The following DPP6 variants were observed in gnomAD, a reference collection of about 807,000 sequenced individuals.
DPP6 encodes the protein A-type potassium channel modulatory protein DPP6.
A neutral mutation model predicts 122.6 loss-of-function variants in DPP6; 69 were observed. The observed-to-expected ratio is 0.56, with a 90% confidence interval of 0.46 to 0.69. DPP6 has a LOEUF of 0.69. DPP6 is among the 30% of genes least tolerant of loss of function. The pLI is 0.00. For synonymous variants in DPP6, 418 were observed against 433.1 expected, an observed-to-expected ratio of 0.97 and a Z score of 0.43; for missense variants, 928 against 1,116.9, an observed-to-expected ratio of 0.83 and a Z score of 2.41.
Position 154,241,217 on chromosome 7 carries a change from GTGTATA to G in DPP6, c.243+188156_243+188161del, listed in dbSNP as rs895772130. On this transcript the variant is annotated intron_variant, in intron 1 of 25. Coordinates refer to ENST00000377770, the MANE Select transcript of DPP6 (RefSeq NM_130797.4). The surrounding 1 kb of genome is among the most constrained non-coding windows in gnomAD (Gnocchi z 9.0). ...TGTGTGTGTGTGTGTGTGTGTGTGTGTGTATATATATATAGAGAGAGAGAGAGACAC... is the reference window on the plus strand; with the variant it reads ...TGTGTGTGTGTGTGTGTGTGTGTGTGTATATATAGAGAGAGAGAGAGACAC... 2.1e-5 allele frequency among the ~76,000 whole-genome samples: 3 copies of G among 143,968 alleles called. No individual in the cohort carries two copies. The highest frequency in any genetic ancestry group is 8.8e-5 in the African/African-American group (3 of 34,118). The allele number at this position is 143,968 out of a possible 152,430, so 94.4% of individuals were successfully genotyped here. A position where few individuals can be genotyped will look rare whatever the true frequency, so the allele number is the denominator to read the frequency against.
intron 5 of DPP6, among the ~76,000 whole-genome samples, chr7:154,615,267 A>G (rs1015222836): frequency 6.6e-6 from 1 of 152,174 alleles, no homozygotes; most frequent in African/African-American, 2.4e-5. Flanking sequence ...AGTTCCAGCA[A>G]TTATATGTAT....
chr7:154,512,611 A>C (rs76472867), intron 3 of DPP6, among the ~76,000 whole-genome samples: 2,046 of 152,336 alleles, frequency 0.013, 23 homozygotes, highest in South Asian at 0.026. Flanking sequence ...GATGAGAACT[A>C]TCAGACCTTT....
chr7:154,706,680 GC>G lies in DPP6; in HGVS notation c.763-21086del, dbSNP rs3840559. On this transcript the variant is annotated intron_variant, in intron 7 of 25. Coordinates refer to ENST00000377770, the MANE Select transcript of DPP6 (RefSeq NM_130797.4). ...TGGAGCTCCTCTGTTACACTAAATA[GC>G]TTCAAGTGGACACTGAACACGTACT... 6.6e-5 allele frequency among the ~76,000 whole-genome samples: 10 copies of G among 152,348 alleles called. No homozygotes were observed. The East Asian group carries it at 1.9e-3, about 29-fold the overall frequency.
At chr7:154,440,558 A>C (rs1819285375) in intron 1 of DPP6, among the ~76,000 whole-genome samples, 1 of 152,146 alleles carries the variant, frequency 6.6e-6, no homozygotes, top group Non-Finnish European at 1.5e-5. Context: ...ATTTATATGT[A>C]TCCTCTGGAA....
At chr7:154,641,001 G>T (rs914500742) in intron 6 of DPP6, among the ~76,000 whole-genome samples, 1 of 151,942 alleles carries the variant, frequency 6.6e-6, no homozygotes, top group Non-Finnish European at 1.5e-5. Context: ...CAGAGAAAAT[G>T]GTCTAATTAA....
intron 1 of DPP6, among the ~76,000 whole-genome samples, chr7:154,296,186 C>A (rs186797510): frequency 1.3e-5 from 2 of 151,932 alleles, no homozygotes; most frequent in Non-Finnish European, 2.9e-5. Context: ...CCTTGTGATC[C>A]GCCTGCCTCG....
chr7:153,772,803 T>G, the DPP6 span, among the ~76,000 whole-genome samples: 5 of 148,648 alleles, frequency 3.4e-5, no homozygotes, highest in East Asian at 3.9e-4. Context: ...AGTAGTTATA[T>G]TAATATCATA....
At chr7:154,865,129 G>A (rs1324644700) in intron 17 of DPP6, among the ~76,000 whole-genome samples, 1 of 152,170 alleles carries the variant, frequency 6.6e-6, no homozygotes, top group Non-Finnish European at 1.5e-5. Context: ...CTTGCCACTA[G>A]CAGACCCCCC....
At chr7:153,750,198 A>G in the DPP6 span, among the ~76,000 whole-genome samples, 4 of 152,256 alleles carry the variant, frequency 2.6e-5, no homozygotes, top group African/African-American at 9.6e-5. Flanking sequence ...CTTTTATTCA[A>G]CTGAGTAAGT....
At chr7:154,721,062 G>C (rs989918445) in intron 7 of DPP6, among the ~76,000 whole-genome samples, 1 of 152,228 alleles carries the variant, frequency 6.6e-6, no homozygotes, top group East Asian at 1.9e-4. Context: ...GTGAGCTTCT[G>C]ACATCAGGTT....
At chr7:154,701,999 A>G (rs1840558062) in intron 7 of DPP6, among the ~76,000 whole-genome samples, 1 of 152,192 alleles carries the variant, frequency 6.6e-6, no homozygotes, top group Non-Finnish European at 1.5e-5. Context: ...CCATTTTTCC[A>G]TCACATGTTC....
intron 16 of DPP6, among the ~76,000 whole-genome samples, chr7:154,809,775 T>C (rs1208432764): frequency 6.6e-6 from 1 of 152,200 alleles, no homozygotes; most frequent in African/African-American, 2.4e-5. Context: ...TAAATCGTGG[T>C]TTGAGGCTGA....
chr7:154,892,961 A>G lies in DPP6; in HGVS notation c.*481A>G. The G allele has an allele frequency of 1.9e-6, 1 of 518,782 alleles. No individual in the cohort carries two copies. 32.1% of individuals were successfully genotyped at this position (518,782 alleles called of 1,614,324 possible). On this transcript the variant is annotated 3_prime_UTR_variant, in exon 26 of 26. Transcript: ENST00000377770. ...CATTGTTTTAGCAGTGCGTGTTCAT[A>G]TATGGGCTTGCTACTTCCTGTAATG...
chr7:154,406,658 CA>C (rs1020415661), intron 1 of DPP6, among the ~76,000 whole-genome samples: 5 of 152,114 alleles, frequency 3.3e-5, no homozygotes, highest in African/African-American at 1.2e-4. Flanking sequence ...CAATGGTTCT[CA>C]AAGTGCAGTC....
chr7:154,729,392 T>C (rs1842226406), intron 8 of DPP6, among the ~76,000 whole-genome samples: 1 of 150,590 alleles, frequency 6.6e-6, no homozygotes, highest in Non-Finnish European at 1.5e-5. Flanking sequence ...CAGATGGATA[T>C]GCAAGCTTAG....
chr7:154,028,625 C>G (rs1459240731), intron 1 of DPP6, among the ~76,000 whole-genome samples: 1 of 151,888 alleles, frequency 6.6e-6, no homozygotes, highest in Non-Finnish European at 1.5e-5. Flanking sequence ...GGCAAGCCCT[C>G]TTCCTTTCTT....
At chr7:154,030,122 A>T (rs996560591) in intron 1 of DPP6, among the ~76,000 whole-genome samples, 1 of 152,104 alleles carries the variant, frequency 6.6e-6, no homozygotes. Context: ...CTCCAGCTCA[A>T]GAGGTTAAGG....
intron 4 of DPP6, among the ~76,000 whole-genome samples, chr7:154,548,655 G>A (rs1392668223): frequency 6.6e-6 from 1 of 152,154 alleles, no homozygotes; most frequent in Admixed American, 6.6e-5. Context: ...TACTCTTCAA[G>A]TGACAGTCAG....
At chr7:154,687,915 T>C (rs1418796027) in intron 7 of DPP6, among the ~76,000 whole-genome samples, 1 of 152,226 alleles carries the variant, frequency 6.6e-6, no homozygotes, top group African/African-American at 2.4e-5. Flanking sequence ...CAGAACAATT[T>C]ATTGAGAAAG....
Sources: gnomAD v4.1 joint callset for allele counts (sites outside exome capture counted in the v4.1 genomes callset) on GRCh38, gnomAD v4.1.1 for gene constraint, Gnocchi (gnomAD v3.1) non-coding constraint, MANE v1.5 for transcripts, NCBI Gene and HGNC (gene_info 2026-07-23, HGNC 2026-07-21) for gene names.